Variants in CYB5R4 observed in about 807,000 individuals in gnomAD.
CYB5R4 encodes cytochrome b5 reductase 4.
Under a neutral mutation model 70.2 loss-of-function variants are expected in CYB5R4, and 55 were observed. That is an observed-to-expected ratio of 0.78 (90% CI 0.63 to 0.98). CYB5R4 has a LOEUF of 0.98. Among genes scored for constraint, CYB5R4 ranks in the 50% least tolerant of loss-of-function variants. CYB5R4 has a pLI of 0.00. For synonymous variants in CYB5R4, 197 were observed against 199.5 expected (o/e 0.99, Z 0.11); for missense variants, 562 against 612.6 (o/e 0.92, Z 0.87).
intron 3 of CYB5R4, among the ~76,000 whole-genome samples, chr6:83,896,658 T>C (rs1348290395): frequency 6.6e-6 from 1 of 152,210 alleles, no homozygotes. Context: ...ACATTTTCTT[T>C]ATTTATCCAT....
chr6:83,941,720 A>G (rs942240715), intron 14 of CYB5R4, among the ~76,000 whole-genome samples: 9 of 152,196 alleles, frequency 5.9e-5, no homozygotes, highest in African/African-American at 1.2e-4. Flanking sequence ...AGTATTTACT[A>G]TTCTTTACAT....
At chr6:83,919,738 A>G (rs2099466063) in intron 7 of CYB5R4, among the ~76,000 whole-genome samples, 1 of 149,846 alleles carries the variant, frequency 6.7e-6, no homozygotes, top group African/African-American at 2.5e-5. Context: ...AAATCAGAGT[A>G]GGAAGTATTT....
At chr6:83,901,104 G>A (rs1028552777) in intron 3 of CYB5R4, among the ~76,000 whole-genome samples, 5 of 152,206 alleles carry the variant, frequency 3.3e-5, no homozygotes, top group Non-Finnish European at 7.3e-5. Context: ...GCTGGTGCCG[G>A]TTGTTCCTTT....
chr6:83,863,392 A>G (rs1249466751), intron 1 of CYB5R4, among the ~76,000 whole-genome samples: 2 of 152,194 alleles, frequency 1.3e-5, no homozygotes, highest in Non-Finnish European at 2.9e-5. Flanking sequence ...CCATTATTTG[A>G]TAAACTTTGT....
rs61168160 is a variant in CYB5R4, at chr6:83,963,416, G to A, written c.*3538G>A. On this transcript the variant is annotated 3_prime_UTR_variant, in exon 16 of 16. Coordinates refer to ENST00000369681, the MANE Select transcript of CYB5R4 (RefSeq NM_016230.4). ...GCTTGTCCTGAACGAGGTTGGGGCT[G>A]AGTCTGTTGATAACAGACCCCCATT... The A allele has an allele frequency of 6.6e-6, 1 of 152,158 alleles. No individual in the cohort carries two copies. The highest frequency in any genetic ancestry group is 6.5e-5 in the Admixed American group (1 of 15,270). The allele number at this position is 152,158 out of a possible 1,614,324, so 9.4% of individuals were successfully genotyped here. A position where few individuals can be genotyped will look rare whatever the true frequency, so the allele number is the denominator to read the frequency against.
chr6:83,873,588 A>G (rs1327033898), intron 2 of CYB5R4, among the ~76,000 whole-genome samples: 1 of 152,102 alleles, frequency 6.6e-6, no homozygotes, highest in African/African-American at 2.4e-5. Flanking sequence ...GCTTTTTCGT[A>G]TGACTGTGTG....
At chr6:83,951,942 T>C (rs1203689290) in intron 14 of CYB5R4, among the ~76,000 whole-genome samples, 1 of 152,148 alleles carries the variant, frequency 6.6e-6, no homozygotes, top group African/African-American at 2.4e-5. Context: ...CTCTCCAGCA[T>C]CTGTTACATT....
At chr6:83,894,553 G>T (rs767143557) in intron 3 of CYB5R4, among the ~76,000 whole-genome samples, 2 of 152,152 alleles carry the variant, frequency 1.3e-5, no homozygotes, top group Middle Eastern at 6.8e-3. Flanking sequence ...GGGATTAGGG[G>T]TGCCAACACC....
At chr6:83,884,840 A>G (rs555438572) in intron 2 of CYB5R4, among the ~76,000 whole-genome samples, 12 of 152,336 alleles carry the variant, frequency 7.9e-5, no homozygotes, top group Admixed American at 3.9e-4. Flanking sequence ...TAGGCATTAA[A>G]TGAATTTTTG....
chr6:83,950,763 T>C (rs777916326), intron 14 of CYB5R4, among the ~76,000 whole-genome samples: 1 of 152,088 alleles, frequency 6.6e-6, no homozygotes, highest in Non-Finnish European at 1.5e-5. Context: ...TCACCCATAA[T>C]CCTACCACCC....
At chr6:83,911,863 G>A (rs1359254501) in intron 4 of CYB5R4, among the ~76,000 whole-genome samples, 2 of 151,800 alleles carry the variant, frequency 1.3e-5, no homozygotes, top group Non-Finnish European at 2.9e-5. Context: ...GGGCTACATA[G>A]CGAAACCCTG....
chr6:83,917,640 A>G (rs1329743017), intron 5 of CYB5R4, among the ~76,000 whole-genome samples: 1 of 152,182 alleles, frequency 6.6e-6, no homozygotes, highest in African/African-American at 2.4e-5. Context: ...TCACATAAGA[A>G]CTGTAATGTC....
Position 83,940,551 on chromosome 6 carries a change from T to A in CYB5R4, c.1296T>A (p.Asp432Glu). ...VKLMFFNKTE[D>E]DIIWRSQLEK... ...TGATGTTCTTCAATAAAACAGAAGA[T>A]GATATAATTTGGAGAAGCCAATTGG... The change falls in exon 14 of 16, where the codon GAT becomes GAA. Residue 432 changes from aspartate to glutamate, a missense_variant. Physicochemically the swap from Asp to Glu is conservative, Grantham distance 45 (BLOSUM62 2). Coordinates refer to ENST00000369681, the MANE Select transcript of CYB5R4 (RefSeq NM_016230.4). The A allele has an allele frequency of 6.3e-7, 1 of 1,597,886 alleles. No homozygotes were observed. The highest frequency in any genetic ancestry group is 1.1e-5 in the South Asian group (1 of 87,154).
At chr6:83,950,636 C>T (rs1022720496) in intron 14 of CYB5R4, among the ~76,000 whole-genome samples, 1 of 151,990 alleles carries the variant, frequency 6.6e-6, no homozygotes, top group Non-Finnish European at 1.5e-5. Flanking sequence ...TCTTGGAGAC[C>T]ATTAATCTTA....
At chr6:83,917,067 A>G (rs1420064047) in intron 5 of CYB5R4, among the ~76,000 whole-genome samples, 1 of 152,174 alleles carries the variant, frequency 6.6e-6, no homozygotes, top group Non-Finnish European at 1.5e-5. Flanking sequence ...AATGTTTGCA[A>G]TATCTTGAGT....
chr6:83,901,314 A>G (rs1465395623), intron 3 of CYB5R4, among the ~76,000 whole-genome samples: 1 of 152,154 alleles, frequency 6.6e-6, no homozygotes, highest in African/African-American at 2.4e-5. Flanking sequence ...TGGCTTGTAG[A>G]GTTTCTGCCG....
chr6:83,869,406 T>C (rs895220269), intron 2 of CYB5R4, among the ~76,000 whole-genome samples: 2 of 152,226 alleles, frequency 1.3e-5, no homozygotes, highest in Non-Finnish European at 2.9e-5. Flanking sequence ...GTACTCACAG[T>C]GTCTGTTATT....
At chr6:83,958,447 G>T (rs2099472789) in intron 15 of CYB5R4, among the ~76,000 whole-genome samples, 1 of 152,178 alleles carries the variant, frequency 6.6e-6, no homozygotes, top group South Asian at 2.1e-4. Flanking sequence ...GGTCAAAAAA[G>T]TCATGTGCAC....
intron 2 of CYB5R4, among the ~76,000 whole-genome samples, chr6:83,866,058 C>A (rs898913140): frequency 9.9e-5 from 15 of 152,260 alleles, no homozygotes; most frequent in African/African-American, 3.6e-4. Flanking sequence ...TGAGTGTTTT[C>A]TGCTAGATAG....
Sources: allele counts gnomAD v4.1 joint callset (sites outside exome capture counted in the v4.1 genomes callset), GRCh38; gene constraint gnomAD v4.1.1; transcripts MANE v1.5; gene names NCBI Gene and HGNC (gene_info 2026-07-23, HGNC 2026-07-21).